GALNT17: variants seen among roughly 807,000 people sequenced by gnomAD.
GALNT17 encodes UDP-GalNAc:polypeptide N-acetylgalactosaminyltransferase-like 3.
In GALNT17, 29 loss-of-function variants were observed where a neutral mutation model predicts 63.7. The observed-to-expected ratio is 0.46, with a 90% CI of 0.34 to 0.62. The LOEUF (loss-of-function observed/expected upper bound fraction) is 0.62, where lower values mean the gene tolerates loss of function less well. GALNT17 is among the 20% of genes least tolerant of loss of function. The pLI, the probability that GALNT17 is intolerant of heterozygous loss-of-function variation, is 0.01. For synonymous variants in GALNT17, 305 were observed against 318.3 expected (o/e 0.96, Z 0.45); for missense variants, 603 against 799.6 (o/e 0.75, Z 2.97).
At chr7:71,208,772 A>G (rs952170856) in intron 1 of GALNT17, among the ~76,000 whole-genome samples, 1 of 152,110 alleles carries the variant, frequency 6.6e-6, no homozygotes, top group Non-Finnish European at 1.5e-5. Flanking sequence ...CTAAAATCAT[A>G]TAATGTATTA....
intron 6 of GALNT17, among the ~76,000 whole-genome samples, chr7:71,619,466 T>C (rs1389617333): frequency 6.6e-6 from 1 of 152,224 alleles, no homozygotes; most frequent in African/African-American, 2.4e-5. Context: ...CTCTGGTTTC[T>C]TTCAGCAGTG....
intron 5 of GALNT17, among the ~76,000 whole-genome samples, chr7:71,445,363 GTT>G (rs888812240): frequency 2.1e-5 from 3 of 141,078 alleles, no homozygotes; most frequent in Non-Finnish European, 1.6e-5. Flanking sequence ...ATTTTTGTTT[GTT>G]TTTTTTTTTT....
rs759239299 is a variant in GALNT17, at chr7:71,218,160, G to A, written c.238+85120G>A. Among the ~76,000 whole-genome samples the A allele has an allele frequency of 8.5e-5, 13 of 152,282 alleles. No homozygotes were observed. The East Asian group carries it at 9.7e-4, about 11-fold the overall frequency. ...TGTAATCCCAGCAGTTTGGGAGGCCGAGGCGGATGGATCACTTGAGGTCAG... is the reference window on the plus strand; with the variant it reads ...TGTAATCCCAGCAGTTTGGGAGGCCAAGGCGGATGGATCACTTGAGGTCAG... On this transcript the variant is annotated intron_variant, in intron 1 of 10. Transcript: ENST00000333538.
At chr7:71,181,371 A>G (rs972128922) in intron 1 of GALNT17, among the ~76,000 whole-genome samples, 2 of 152,204 alleles carry the variant, frequency 1.3e-5, no homozygotes, top group African/African-American at 4.8e-5. Context: ...AGGAAATAGG[A>G]GTCTGGATAT....
intron 5 of GALNT17, among the ~76,000 whole-genome samples, chr7:71,479,254 C>T (rs533872784): frequency 6.6e-6 from 1 of 150,824 alleles, no homozygotes; most frequent in South Asian, 2.1e-4. Flanking sequence ...TGATTGACTC[C>T]ATCTCTGTAC....
At chr7:71,611,481 C>T (rs1461481664) in intron 6 of GALNT17, among the ~76,000 whole-genome samples, 2 of 152,128 alleles carry the variant, frequency 1.3e-5, no homozygotes, top group Non-Finnish European at 2.9e-5. Flanking sequence ...TGTCTTCTTC[C>T]CAATAGCTTA....
chr7:71,344,278 A>T (rs1262738080), intron 2 of GALNT17, among the ~76,000 whole-genome samples: 1 of 152,202 alleles, frequency 6.6e-6, no homozygotes, highest in Non-Finnish European at 1.5e-5. Flanking sequence ...CAAAGCAACT[A>T]TTAACTACAG....
chr7:71,627,466 T>C (rs1790390798), intron 6 of GALNT17, among the ~76,000 whole-genome samples: 1 of 152,150 alleles, frequency 6.6e-6, no homozygotes, highest in South Asian at 2.1e-4. Context: ...CCAGATGACC[T>C]TCAGAGCTTG....
At chr7:71,638,966 G>A (rs994498704) in intron 6 of GALNT17, among the ~76,000 whole-genome samples, 9 of 152,108 alleles carry the variant, frequency 5.9e-5, no homozygotes, top group Non-Finnish European at 1.0e-4. Flanking sequence ...GGGAGATAAG[G>A]ATGGTTAATG....
intron 1 of GALNT17, among the ~76,000 whole-genome samples, chr7:71,241,831 G>A (rs1006883299): frequency 1.7e-4 from 26 of 152,172 alleles, no homozygotes; most frequent in African/African-American, 5.5e-4. Flanking sequence ...CTAGGCTGCA[G>A]TGAGCCATGA....
At chr7:71,686,745 T>A (rs1187122655) in intron 9 of GALNT17, among the ~76,000 whole-genome samples, 1 of 151,850 alleles carries the variant, frequency 6.6e-6, no homozygotes, top group African/African-American at 2.4e-5. Context: ...GTTGAGAGAG[T>A]GTTCATAGAA....
At position 71,669,938 on chromosome 7, in the gene GALNT17, T is replaced by C. The variant is rs201781233; in HGVS notation, c.1267-34T>C. 1,434 of 1,612,214 alleles carry C rather than the reference T, an allele frequency of 8.9e-4. 3 individuals are homozygous for C. The highest frequency in any genetic ancestry group is 3.0e-3 in the Middle Eastern group (18 of 6,050). The stretch of plus-strand genomic sequence containing the variant: ...CCCCACTCTGGCCAGAGCTCCACAG[T>C]CACTAACACCCCTTGGCTTCTCTCT... On this transcript the variant is annotated intron_variant, in intron 7 of 10. Transcript: ENST00000333538.
At chr7:71,447,530 G>C (rs1468447487) in intron 5 of GALNT17, among the ~76,000 whole-genome samples, 1 of 151,972 alleles carries the variant, frequency 6.6e-6, no homozygotes, top group Non-Finnish European at 1.5e-5. Flanking sequence ...TTGCAACATG[G>C]GTCTCAAGTG....
chr7:71,340,928 C>T (rs1791995389), intron 2 of GALNT17, among the ~76,000 whole-genome samples: 1 of 152,062 alleles, frequency 6.6e-6, no homozygotes, highest in South Asian at 2.1e-4. Context: ...ATTCCAGCTA[C>T]TTGGGAGGCT....
chr7:71,609,695 C>A (rs992374878), intron 6 of GALNT17, among the ~76,000 whole-genome samples: 1 of 152,034 alleles, frequency 6.6e-6, no homozygotes, highest in Non-Finnish European at 1.5e-5. Flanking sequence ...AATCCAATTA[C>A]ATTCTTCAAG....
intron 1 of GALNT17, among the ~76,000 whole-genome samples, chr7:71,298,334 A>G (rs772942618): frequency 6.6e-6 from 1 of 151,758 alleles, no homozygotes; most frequent in Admixed American, 6.6e-5. Flanking sequence ...TATTTTCTTT[A>G]TGTAAATTAT....
intron 2 of GALNT17, among the ~76,000 whole-genome samples, chr7:71,349,891 T>C (rs961827994): frequency 1.3e-5 from 2 of 152,224 alleles, no homozygotes; most frequent in Admixed American, 6.5e-5. Flanking sequence ...TTAAATAGAC[T>C]TATCTTCATT....
At chr7:71,377,114 A>AAAAAAAAATATATATATATATATAT in intron 2 of GALNT17, among the ~76,000 whole-genome samples, 1 of 57,466 alleles carries the variant, frequency 1.7e-5, no homozygotes, top group African/African-American at 9.4e-5. Context: ...AAATAAAAAA[A>AAAAAAAAATATATATATATATATAT]ATATATATAT....
chr7:71,644,219 T>C (rs1416177091), intron 6 of GALNT17, among the ~76,000 whole-genome samples: 1 of 151,082 alleles, frequency 6.6e-6, no homozygotes, highest in Non-Finnish European at 1.5e-5. Flanking sequence ...CCGGGCAACA[T>C]AGTGACATAC....
Sources: gnomAD v4.1 joint callset for allele counts (sites outside exome capture counted in the v4.1 genomes callset) on GRCh38, gnomAD v4.1.1 for gene constraint, MANE v1.5 for transcripts, NCBI Gene and HGNC (gene_info 2026-07-23, HGNC 2026-07-21) for gene names.